AFF4: variants seen among roughly 807,000 people sequenced by gnomAD.
AFF4 encodes AF4/FMR2 family member 4.
Under a neutral mutation model 124.8 loss-of-function variants are expected in AFF4, and 13 were observed. The ratio of observed to expected loss-of-function variants is 0.10; its 90% confidence interval spans 0.07 to 0.17. The LOEUF is 0.17. AFF4 is among the 10% of genes least tolerant of loss of function. The probability of loss-of-function intolerance (pLI) is 1.00; values close to 1 mark genes in which losing one functional copy is unlikely to be tolerated. For synonymous variants in AFF4, 477 were observed against 496.1 expected (o/e 0.96, Z 0.51); for missense variants, 1,092 against 1,403.8 (o/e 0.78, Z 3.55).
intron 4 of AFF4, among the ~76,000 whole-genome samples, chr5:132,928,442 T>C (rs1185666672): frequency 1.3e-5 from 2 of 152,176 alleles, no homozygotes; most frequent in African/African-American, 2.4e-5. Flanking sequence ...TAGTGATCTT[T>C]GTAGCCAAGG....
At chr5:132,889,909 A>G (rs1166345245) in intron 13 of AFF4, among the ~76,000 whole-genome samples, 1 of 152,084 alleles carries the variant, frequency 6.6e-6, no homozygotes, top group Non-Finnish European at 1.5e-5. Flanking sequence ...AGCCGGGACC[A>G]TGGGCATGTA....
rs200365735 is a variant in AFF4, at chr5:132,932,156, T to A, written c.963+22A>T. Reference sequence around the variant, plus strand: ...GCATAAAAAATTAAAGAAATTGAAATGATTTTTTTTAAAAAACTTACTTTT... The same window carrying A: ...GCATAAAAAATTAAAGAAATTGAAAAGATTTTTTTTAAAAAACTTACTTTT... On this transcript the variant is annotated intron_variant, in intron 4 of 20. Transcript: ENST00000265343. The A allele has an allele frequency of 2.0e-4, 305 of 1,535,994 alleles. No homozygotes were observed. In the African/African-American group the frequency reaches 3.8e-3, roughly 19 times the overall value.
rs1760039886 is a variant in AFF4, at chr5:132,883,522, A to G, written c.3182T>C (p.Leu1061Pro). 1.2e-6 allele frequency: 2 copies of G among 1,613,844 alleles called. No individual in the cohort carries two copies. Among genetic ancestry groups the G allele is most frequent in the African/African-American group, 2.7e-5 (2 of 74,932 alleles). Residue 1061 changes from leucine (L) to proline (P), a missense_variant, in exon 20 of 21, where the codon CTG becomes CCG. Leu to Pro is a moderately conservative substitution (Grantham distance 98). Coordinates refer to ENST00000265343, the MANE Select transcript of AFF4 (RefSeq NM_014423.4). ...VGMPSPVSPK[L>P]SPGNSGNYSS... ...ATAATTTCCTGAATTGCCTGGTGAC[A>G]GCTTTGGAGAAACAGGGGAAGGCAT...
chr5:132,938,634 T>C (rs1256565714), intron 1 of AFF4, among the ~76,000 whole-genome samples: 1 of 151,938 alleles, frequency 6.6e-6, no homozygotes, highest in Non-Finnish European at 1.5e-5. Flanking sequence ...CTGATTTGCA[T>C]ACTAAGTGTC....
At chr5:132,907,222 T>A (rs1474391134) in intron 5 of AFF4, among the ~76,000 whole-genome samples, 1 of 152,110 alleles carries the variant, frequency 6.6e-6, no homozygotes, top group Non-Finnish European at 1.5e-5. Context: ...CTCTAGTTTA[T>A]CTCCTTTACT....
chr5:132,889,614 CA>C (rs1760204312), intron 13 of AFF4, among the ~76,000 whole-genome samples: 1 of 152,206 alleles, frequency 6.6e-6, no homozygotes, highest in Admixed American at 6.5e-5. Flanking sequence ...AATCCTTTAA[CA>C]AACCTATGAA....
intron 13 of AFF4, 68 bp downstream of exon 13, chr5:132,892,096 T>C (rs1279738104): frequency 6.2e-7 from 1 of 1,610,296 alleles, no homozygotes. Flanking sequence ...CAAAGCACAG[T>C]GTCACCCTGG....
chr5:132,894,904 T>C (rs889920958), intron 11 of AFF4, among the ~76,000 whole-genome samples: 2 of 152,140 alleles, frequency 1.3e-5, no homozygotes, highest in African/African-American at 2.4e-5. Context: ...CAGTGAGCTA[T>C]GAATGCCATG....
intron 1 of AFF4, among the ~76,000 whole-genome samples, chr5:132,956,555 C>T (rs1041498791): frequency 6.6e-6 from 1 of 150,578 alleles, no homozygotes; most frequent in African/African-American, 2.5e-5. Flanking sequence ...TCACTTGAAC[C>T]TGGGAGGCAG....
intron 5 of AFF4, among the ~76,000 whole-genome samples, chr5:132,911,812 T>C (rs1760797112): frequency 7.4e-6 from 1 of 135,154 alleles, no homozygotes; most frequent in Admixed American, 7.4e-5. Context: ...CTGAACAGAT[T>C]AAAAGCAATG....
intron 1 of AFF4, among the ~76,000 whole-genome samples, chr5:132,962,704 C>A (rs1244521669): frequency 6.6e-6 from 1 of 151,954 alleles, no homozygotes; most frequent in African/African-American, 2.4e-5. Context: ...AGGTAACAGA[C>A]CGATTCAGAA....
chr5:132,909,756 C>G (rs962741389), intron 5 of AFF4, among the ~76,000 whole-genome samples: 7 of 152,198 alleles, frequency 4.6e-5, no homozygotes, highest in African/African-American at 1.7e-4. Context: ...CTGGCTTCAA[C>G]ATCATTGTTC....
chr5:132,903,907 A>C (rs993280959), intron 6 of AFF4: 1 of 153,054 alleles, frequency 6.5e-6, no homozygotes, highest in Non-Finnish European at 1.5e-5. Context: ...ACAGTTCTTG[A>C]ATTTTTTAAA....
rs1457863944 is a variant in AFF4, at chr5:132,893,086, C to T, written c.2340G>A (p.Lys780=). The change falls in exon 12 of 21, where the codon AAG becomes AAA. Residue 780 remains lysine, a synonymous_variant. Transcript: ENST00000265343. The part of the protein sequence containing the change: ...NEDDNRASES[K]KPKTEDKNSA... ...AATTCTTGTCCTCCGTTTTGGGTTTCTTGCTCTCACTGGCTCGGTTATCAT... is the reference window on the plus strand; with the variant it reads ...AATTCTTGTCCTCCGTTTTGGGTTTTTTGCTCTCACTGGCTCGGTTATCAT... The T allele has an allele frequency of 6.2e-7, 1 of 1,614,102 alleles. No homozygotes were observed. Among genetic ancestry groups the T allele is most frequent in the Non-Finnish European group, 8.5e-7 (1 of 1,180,002 alleles).
intron 4 of AFF4, among the ~76,000 whole-genome samples, chr5:132,930,724 T>C (rs1761279149): frequency 6.6e-6 from 1 of 152,134 alleles, no homozygotes; most frequent in South Asian, 2.1e-4. Context: ...GTAGTCATTG[T>C]CATTCACTAA....
In AFF4 at chr5:132,897,040, T is replaced by C. The variant is rs1415558941; in HGVS notation, c.1590A>G (p.Gly530=). ...CCTTTTGGATGGTTTTGGAGTCTCG[T>C]CCCGGAGTAGCGGAACTCGTTTCTT... ...GPKETSSATP[G]RDSKTIQKGS... is the part of the protein sequence containing the mutation. Residue 530 remains glycine, a synonymous_variant, in exon 11 of 21, where the codon GGA becomes GGG. Transcript: ENST00000265343. The C allele has an allele frequency of 6.2e-7, 1 of 1,614,196 alleles. No individual in the cohort carries two copies. The highest frequency in any genetic ancestry group is 1.1e-5 in the South Asian group (1 of 91,086).
intron 1 of AFF4, among the ~76,000 whole-genome samples, chr5:132,938,513 C>T (rs1403511519): frequency 6.6e-6 from 1 of 151,934 alleles, no homozygotes; most frequent in Admixed American, 6.6e-5. Context: ...GATCCTCCCA[C>T]CTTGGCCTCC....
At position 132,896,760 on chromosome 5, in the gene AFF4, T is replaced by C. The variant is rs1760411436; in HGVS notation, c.1870A>G (p.Thr624Ala). ...GACTTATATTTCTTTTTCTCTGCTG[T>C]AGGTCGAGGGGAAGACTTAGACTCC... The part of the protein sequence containing the change: ...KKESKSSPRP[T>A]AEKKKYKSTS... Residue 624 changes from threonine to alanine, a missense_variant, in exon 11 of 21, where the codon ACA becomes GCA. Thr to Ala is a moderately conservative substitution (Grantham distance 58). Transcript: ENST00000265343. 5 of 1,614,190 alleles carry C rather than the reference T, an allele frequency of 3.1e-6. No homozygotes were observed. Among genetic ancestry groups the C allele is most frequent in the Middle Eastern group, 1.6e-4 (1 of 6,062 alleles).
Position 132,899,156 on chromosome 5 carries a change from TAAGA to T in AFF4, c.1189-19_1189-16del, listed in dbSNP as rs763709727. 2 of 1,609,876 alleles carry T rather than the reference TAAGA, an allele frequency of 1.2e-6. No homozygotes were observed. Among genetic ancestry groups the T allele is most frequent in the Admixed American group, 1.7e-5 (1 of 59,834 alleles). ...TTATCACAATCCTAAAATTAAAACATAAGAAAGAATCTGTGAATGAATAAACAGT... is the reference window on the plus strand; with the variant it reads ...TTATCACAATCCTAAAATTAAAACATAAGAATCTGTGAATGAATAAACAGT... On this transcript the variant is annotated splice_polypyrimidine_tract_variant and intron_variant, in intron 8 of 20. Transcript: ENST00000265343.
Sources: allele counts gnomAD v4.1 joint callset (sites outside exome capture counted in the v4.1 genomes callset), GRCh38; gene constraint gnomAD v4.1.1; transcripts MANE v1.5; gene names NCBI Gene and HGNC (gene_info 2026-07-23, HGNC 2026-07-21).